Variants in MROH2A observed in about 807,000 individuals in gnomAD.
The protein encoded by MROH2A is maestro heat like repeat family member 2A, also known as maestro heat-like repeat-containing protein family member 2A.
Under a neutral mutation model 200.4 loss-of-function variants are expected in MROH2A, and 174 were observed. The ratio of observed to expected loss-of-function variants is 0.87; its 90% confidence interval spans 0.77 to 0.98. The LOEUF (loss-of-function observed/expected upper bound fraction) is 0.98. Ranked by LOEUF, MROH2A falls within the 50% of genes least tolerant of loss-of-function variation. The probability of loss-of-function intolerance (pLI) is 0.00; values close to 1 mark genes in which losing one functional copy is unlikely to be tolerated. For missense variants in MROH2A, 2,045 were observed against 2,139.6 expected (o/e 0.96, Z 0.87); for synonymous variants, 829 against 840.4 (o/e 0.99, Z 0.23).
At chr2:233,811,032 C>T (rs1703121407) in intron 23 of MROH2A, 116 bp downstream of exon 23, 6 of 1,191,622 alleles carry the variant, frequency 5.0e-6, no homozygotes, top group Admixed American at 5.1e-5. Context: ...AAGTCCTTCC[C>T]TGTCTTGGCT....
rs756291765 is a variant in MROH2A at position 233,832,230 on chromosome 2, T to C, written c.4788T>C (p.Tyr1596=). 2.1e-5 allele frequency: 32 copies of C among 1,550,786 alleles called. No individual in the cohort carries two copies. The highest frequency in any genetic ancestry group is 1.7e-4 in the Middle Eastern group (1 of 5,994). Residue 1596 remains tyrosine (Y), a synonymous_variant, in exon 40 of 42, where the codon TAT becomes TAC. Coordinates refer to ENST00000389758, the MANE Select transcript of MROH2A (RefSeq NM_001394639.1). ...GCTTCTTGCTAGAAACAATGGCCTA[T>C]GTTAAAAATAACTTGTCAAGAATCA... ...LYRFLLETMA[Y]VKNNLSRIRI...
rs1220876013 is a variant in MROH2A at position 233,785,877 on chromosome 2, CAG to C, written c.277-3618_277-3617del. 2.6e-5 allele frequency among the ~76,000 whole-genome samples: 4 copies of C among 152,088 alleles called. No individual in the cohort carries two copies. The South Asian group carries it at 8.3e-4, about 31-fold the overall frequency. ...ACTATAGTATGGGTGGCTTAGAAAA[CAG>C]AAATTTATTTTCTCACAATTCTGGA... is the stretch of plus-strand genomic sequence containing the variant. On this transcript the variant is annotated intron_variant, in intron 3 of 41. Coordinates refer to ENST00000389758, the MANE Select transcript of MROH2A (RefSeq NM_001394639.1).
At chr2:233,823,151 CTG>C (rs1325479531) in intron 34 of MROH2A, 133 bp downstream of exon 34, 14 of 940,706 alleles carry the variant, frequency 1.5e-5, no homozygotes, top group Non-Finnish European at 2.1e-5. Context: ...CCACGCCAAC[CTG>C]TGACTCTAGG....
chr2:233,797,264 T>C (rs1702173836), intron 11 of MROH2A, among the ~76,000 whole-genome samples: 1 of 152,236 alleles, frequency 6.6e-6, no homozygotes, highest in South Asian at 2.1e-4. Flanking sequence ...GGGTGCTCAA[T>C]TGGATACGGA....
At chr2:233,812,300 CAGTG>C (rs1703212996) in intron 24 of MROH2A, among the ~76,000 whole-genome samples, 1 of 152,188 alleles carries the variant, frequency 6.6e-6, no homozygotes, top group African/African-American at 2.4e-5. Flanking sequence ...GAGTCAGGCT[CAGTG>C]AGTGAGTTGA....
At chr2:233,791,140 G>A (rs76570905) in intron 5 of MROH2A, among the ~76,000 whole-genome samples, 2,232 of 152,302 alleles carry the variant, frequency 0.015, 25 homozygotes, top group African/African-American at 0.023. Flanking sequence ...GAGGGGGAGC[G>A]TCAGGCAGGG....
chr2:233,816,748 C>A, intron 26 of MROH2A, 33 bp from the exon 27 acceptor site: 3 of 1,469,122 alleles, frequency 2.0e-6, no homozygotes, highest in Non-Finnish European at 2.8e-6. Context: ...AGGATTTTAA[C>A]ACCCACTTTG....
In MROH2A at chr2:233,833,355, T is replaced by G; in HGVS notation, c.*96T>G. ...GAAGTTTAGTTTGTAGGAAAAACAC[T>G]ATTGTAAAATAACTAGTATCCTTTT... On this transcript the variant is annotated 3_prime_UTR_variant, in exon 42 of 42. Transcript: ENST00000389758. 7.8e-7 allele frequency: 1 copy of G among 1,280,490 alleles called. No individual in the cohort carries two copies. The highest frequency in any genetic ancestry group is 1.0e-6 in the Non-Finnish European group (1 of 959,374). 79.3% of individuals were successfully genotyped at this position (1,280,490 alleles called of 1,614,324 possible).
chr2:233,794,222 C>A, intron 7 of MROH2A, 141 bp from the exon 8 acceptor site: 1 of 657,544 alleles, frequency 1.5e-6, no homozygotes, highest in Non-Finnish European at 2.7e-6. Flanking sequence ...TCAAACCCGG[C>A]CGCCTGTGCA....
intron 11 of MROH2A, among the ~76,000 whole-genome samples, chr2:233,798,403 G>A (rs1431998928): frequency 2.0e-5 from 3 of 152,192 alleles, no homozygotes; most frequent in Non-Finnish European, 4.4e-5. Flanking sequence ...AAGGCCTGGT[G>A]TCAGGACCCA....
rs528246708 is a variant in MROH2A, at chr2:233,829,036, C to T, written c.4410C>T (p.Asp1470=). ...LREGDVGSSF[D]AMSEQCRIFF... is the part of the protein sequence containing the mutation. ...AAGGGGATGTGGGGTCCTCTTTCGA[C>T]GCCATGTCTGAGCAGTGCAGGATCT... is the stretch of plus-strand genomic sequence containing the variant. Residue 1470 remains aspartate, a synonymous_variant, in exon 37 of 42, where the codon GAC becomes GAT. Coordinates refer to ENST00000389758, the MANE Select transcript of MROH2A (RefSeq NM_001394639.1). 48 of 1,547,344 alleles carry T rather than the reference C, an allele frequency of 3.1e-5. 1 individual carries two copies. The highest frequency in any genetic ancestry group is 4.1e-5 in the African/African-American group (3 of 73,132).
chr2:233,819,197 C>G, intron 29 of MROH2A, 120 bp from the exon 30 acceptor site: 1 of 1,054,704 alleles, frequency 9.5e-7, no homozygotes, highest in Non-Finnish European at 1.3e-6. Flanking sequence ...AGGCCATGGC[C>G]ATGGTCTGAG....
chr2:233,800,099 C>T, intron 13 of MROH2A, 106 bp from the exon 14 acceptor site: 1 of 1,070,872 alleles, frequency 9.3e-7, no homozygotes. Context: ...ATTCTGTAGA[C>T]TCAGTATCTG....
chr2:233,776,053 C>T (rs1244387047), upstream of MROH2A, among the ~76,000 whole-genome samples: 1 of 152,158 alleles, frequency 6.6e-6, no homozygotes, highest in Non-Finnish European at 1.5e-5. Context: ...AACTGTGAGT[C>T]CATGAAACCT....
rs1469802379 is a variant in MROH2A, at chr2:233,828,766, G to A, written c.4250G>A (p.Gly1417Asp). ...CGCGCCCTCGGCAACATGGCCCTGG[G>A]CGCCCCCAAGAAGGTACTGTGCCTG... is the stretch of plus-strand genomic sequence containing the variant. Reference protein sequence around the residue: ...SLRALGNMALGAPKKVKQYRK... With the variant: ...SLRALGNMALDAPKKVKQYRK... Residue 1417 changes from glycine to aspartate, a missense_variant, in exon 36 of 42, where the codon GGC becomes GAC. By Grantham distance (94) the Gly-to-Asp change is moderately conservative (BLOSUM62 -1). Coordinates refer to ENST00000389758, the MANE Select transcript of MROH2A (RefSeq NM_001394639.1). This position sits in a 1 kb window ranked among gnomAD's most constrained non-coding sequence, Gnocchi z 4.6. 2 of 1,550,372 alleles carry A rather than the reference G, an allele frequency of 1.3e-6. No individual in the cohort carries two copies. Among genetic ancestry groups the A allele is most frequent in the African/African-American group, 1.4e-5 (1 of 73,186 alleles).
At chr2:233,783,262 C>T (rs865980262) in intron 3 of MROH2A, among the ~76,000 whole-genome samples, 1 of 151,992 alleles carries the variant, frequency 6.6e-6, no homozygotes, top group South Asian at 2.1e-4. Flanking sequence ...CCTCCTTATC[C>T]ATCTCTTTTT....
At position 233,807,076 on chromosome 2, in the gene MROH2A, T is replaced by C. The variant is rs909423280; in HGVS notation, c.2053-347T>C. ...TCCATTCCTAAGTTACTTAGAATAA[T>C]AGTCTCCAATCTCATCCAGGTTACT... is the stretch of plus-strand genomic sequence containing the variant. On this transcript the variant is annotated intron_variant, in intron 19 of 41. Coordinates refer to ENST00000389758, the MANE Select transcript of MROH2A (RefSeq NM_001394639.1). This position sits in a 1 kb window ranked among gnomAD's most constrained non-coding sequence, Gnocchi z 4.3. Among the ~76,000 whole-genome samples, 3 of 152,164 alleles carry C rather than the reference T, an allele frequency of 2.0e-5. No homozygotes were observed. Among genetic ancestry groups the C allele is most frequent in the African/African-American group, 7.2e-5 (3 of 41,444 alleles).
intron 35 of MROH2A, among the ~76,000 whole-genome samples, chr2:233,826,179 T>C (rs1344613756): frequency 6.6e-6 from 1 of 152,174 alleles, no homozygotes; most frequent in African/African-American, 2.4e-5. Flanking sequence ...CGCCTCGGCC[T>C]CCCAAAGTGC....
Position 233,819,361 on chromosome 2 carries a change from C to T in MROH2A, c.3249C>T (p.Ile1083=), listed in dbSNP as rs2124848520. The change falls in exon 30 of 42, where the codon ATC becomes ATT. Residue 1083 remains isoleucine (I), a synonymous_variant. Transcript: ENST00000389758. ...GCTGCGATGAGGTGGTCTCGCTCATCCAGAAGCTCTGCGAGAACACTGGGG... is the reference window on the plus strand; with the variant it reads ...GCTGCGATGAGGTGGTCTCGCTCATTCAGAAGCTCTGCGAGAACACTGGGG... ...EFSCDEVVSL[I]QKLCENTGAM... 1.3e-6 allele frequency: 2 copies of T among 1,550,500 alleles called. No individual in the cohort carries two copies. The highest frequency in any genetic ancestry group is 2.4e-5 in the South Asian group (2 of 84,060).
Sources: gnomAD v4.1 joint callset for allele counts (sites outside exome capture counted in the v4.1 genomes callset) on GRCh38, gnomAD v4.1.1 for gene constraint, Gnocchi (gnomAD v3.1) non-coding constraint, MANE v1.5 for transcripts, NCBI Gene and HGNC (gene_info 2026-07-23, HGNC 2026-07-21) for gene names.